The following ROBO2 variants were observed in gnomAD, a reference collection of about 807,000 sequenced individuals.
ROBO2 encodes roundabout homolog 2.
In ROBO2, 53 loss-of-function variants were observed where a neutral mutation model predicts 160.8. The ratio of observed to expected loss-of-function variants is 0.33; its 90% CI spans 0.26 to 0.41. The LOEUF is 0.41. Ranked by LOEUF, ROBO2 falls within the 10% of genes least tolerant of loss-of-function variation. The probability of loss-of-function intolerance (pLI) is 1.00; values close to 1 mark genes in which losing one functional copy is unlikely to be tolerated. For missense variants in ROBO2, 1,577 were observed against 1,722.4 expected, an observed-to-expected ratio of 0.92 and a Z score of 1.49; for synonymous variants, 664 against 611.7, an observed-to-expected ratio of 1.09 and a Z score of -1.26.
At chr3:76,712,065 A>C (rs1241836630) in intron 2 of ROBO2, among the ~76,000 whole-genome samples, 1 of 152,260 alleles carries the variant, frequency 6.6e-6, no homozygotes, top group African/African-American at 2.4e-5. Flanking sequence ...GAAAAAGAGT[A>C]GGCTTGCATT....
At chr3:77,542,009 T>C (rs2092485034) in intron 6 of ROBO2, among the ~76,000 whole-genome samples, 1 of 152,192 alleles carries the variant, frequency 6.6e-6, no homozygotes, top group Non-Finnish European at 1.5e-5. Flanking sequence ...TAGCACACTT[T>C]GTGCTATTGT....
chr3:76,343,642 G>A (rs552867424), intron 2 of ROBO2, among the ~76,000 whole-genome samples: 192 of 151,978 alleles, frequency 1.3e-3, no homozygotes, highest in African/African-American at 4.4e-3. Flanking sequence ...TGTTAGAGAG[G>A]TGTTTAAGTG....
In ROBO2 at chr3:77,551,300, G is replaced by A. The variant is rs552814213; in HGVS notation, c.1231+311G>A. Among the ~76,000 whole-genome samples the A allele has an allele frequency of 4.7e-4, 72 of 151,918 alleles. 1 individual carries two copies. The South Asian group carries it at 5.2e-3, about 11-fold the overall frequency. ...TCTGTATATTTTTATTTAGTCTTAGGCTGACATGATTGGCTCTACTAGACA... is the reference window on the plus strand; with the variant it reads ...TCTGTATATTTTTATTTAGTCTTAGACTGACATGATTGGCTCTACTAGACA... On this transcript the variant is annotated intron_variant, in intron 8 of 25. Transcript: ENST00000461745.
At chr3:76,823,872 T>C (rs188160815) in intron 2 of ROBO2, among the ~76,000 whole-genome samples, 1 of 152,282 alleles carries the variant, frequency 6.6e-6, no homozygotes, top group East Asian at 1.9e-4. Context: ...AGAATAATAG[T>C]GACTTTCCCT....
rs1947205739 is a variant in ROBO2 at position 75,924,671 on chromosome 3, A to ATTTTC, written c.-13-12800_-13-12796dup. On this transcript the variant is annotated intron_variant, in intron 1 of 26. Coordinates refer to the ROBO2 transcript ENST00000487694. ...ATATTCTAGGAATTATTGGGAATTT[A>ATTTTC]TTTTCTTTTCTTTTTTTTTTTTTTT... Among the ~76,000 whole-genome samples the ATTTTC allele has an allele frequency of 1.7e-4, 11 of 65,104 alleles. 1 individual carries two copies. The highest frequency in any genetic ancestry group is 1.5e-3 in the South Asian group (3 of 2,012). The allele number at this position is 65,104 out of a possible 152,430, so 42.7% of individuals were successfully genotyped here.
At chr3:76,595,666 G>T (rs1279735794) in intron 2 of ROBO2, among the ~76,000 whole-genome samples, 2 of 152,026 alleles carry the variant, frequency 1.3e-5, no homozygotes, top group African/African-American at 4.8e-5. Flanking sequence ...TGCACGGAAA[G>T]GCCAAGACCA....
At chr3:76,925,114 A>C (rs865806817) in intron 2 of ROBO2, among the ~76,000 whole-genome samples, 10 of 150,112 alleles carry the variant, frequency 6.7e-5, no homozygotes, top group Admixed American at 6.6e-4. Flanking sequence ...AGGCTGAGGC[A>C]GGAGGAGAAT....
chr3:76,832,800 CG>C (rs1197651487), intron 2 of ROBO2, among the ~76,000 whole-genome samples: 1 of 151,910 alleles, frequency 6.6e-6, no homozygotes, highest in Non-Finnish European at 1.5e-5. Context: ...TTGTTCAGGG[CG>C]GATGTTACAG....
intron 2 of ROBO2, among the ~76,000 whole-genome samples, chr3:76,753,556 T>G (rs1157460901): frequency 2.0e-5 from 3 of 151,826 alleles, no homozygotes; most frequent in Admixed American, 1.3e-4. Context: ...TGGAAGGTTG[T>G]TTGAGCATTA....
chr3:77,163,152 AGT>A (rs1300831776), intron 2 of ROBO2, among the ~76,000 whole-genome samples: 2 of 152,068 alleles, frequency 1.3e-5, no homozygotes, highest in African/African-American at 4.8e-5. Flanking sequence ...ATTACTTTTG[AGT>A]TTTCAATAAA....
At chr3:76,075,673 T>C (rs1458248906) in intron 2 of ROBO2, among the ~76,000 whole-genome samples, 3 of 152,178 alleles carry the variant, frequency 2.0e-5, no homozygotes, top group Admixed American at 1.3e-4. Context: ...GACAAACAAA[T>C]GAGCATCTAA....
intron 2 of ROBO2, among the ~76,000 whole-genome samples, chr3:76,173,090 A>C (rs1472995750): frequency 6.7e-6 from 1 of 148,894 alleles, no homozygotes; most frequent in Non-Finnish European, 1.5e-5. Flanking sequence ...ATTACAGTAG[A>C]GAATTACGTG....
At chr3:77,497,276 A>T (rs1480152122) in intron 5 of ROBO2, among the ~76,000 whole-genome samples, 2 of 152,170 alleles carry the variant, frequency 1.3e-5, no homozygotes, top group Admixed American at 6.5e-5. Flanking sequence ...TGTTAGGGAC[A>T]AAAATTTCAT....
chr3:77,234,600 G>A (rs2087683714), intron 2 of ROBO2, among the ~76,000 whole-genome samples: 1 of 152,006 alleles, frequency 6.6e-6, no homozygotes, highest in African/African-American at 2.4e-5. Context: ...AAGGAGAGAA[G>A]GAAACTACTT....
At chr3:76,501,074 G>T (rs1217154321) in intron 2 of ROBO2, among the ~76,000 whole-genome samples, 5 of 151,996 alleles carry the variant, frequency 3.3e-5, no homozygotes, top group Non-Finnish European at 1.5e-5. Flanking sequence ...AATGCCAAAA[G>T]GCTATTATTG....
chr3:76,627,076 A>T (rs143722345), intron 2 of ROBO2, among the ~76,000 whole-genome samples: 1 of 152,204 alleles, frequency 6.6e-6, no homozygotes, highest in Non-Finnish European at 1.5e-5. Context: ...GGTAGTGGAT[A>T]TATTTCTTGA....
At chr3:77,411,927 T>A (rs529019935) in intron 2 of ROBO2, among the ~76,000 whole-genome samples, 5 of 152,346 alleles carry the variant, frequency 3.3e-5, no homozygotes, top group Admixed American at 3.3e-4. Context: ...GTTCAAATGT[T>A]CAAATTACAT....
chr3:76,133,993 T>G (rs2106698968), intron 2 of ROBO2, among the ~76,000 whole-genome samples: 1 of 152,152 alleles, frequency 6.6e-6, no homozygotes, highest in East Asian at 1.9e-4. Flanking sequence ...TGAAACAAAA[T>G]ACAAATGAAA....
At chr3:76,712,597 C>T (rs924205971) in intron 2 of ROBO2, among the ~76,000 whole-genome samples, 2 of 151,932 alleles carry the variant, frequency 1.3e-5, no homozygotes, top group African/African-American at 4.8e-5. Context: ...ATCACTTGAA[C>T]CTGGGAGGCA....
Sources: allele counts gnomAD v4.1 joint callset (sites outside exome capture counted in the v4.1 genomes callset), GRCh38; gene constraint gnomAD v4.1.1; transcripts MANE v1.5; gene names NCBI Gene and HGNC (gene_info 2026-07-23, HGNC 2026-07-21).